The following ZNF780B variants were observed in gnomAD, a reference collection of about 807,000 sequenced individuals.
ZNF780B encodes the protein zinc finger protein 779.
In ZNF780B, 52 loss-of-function variants were observed where a neutral mutation model predicts 74.1. That is an observed-to-expected ratio of 0.70 (90% CI 0.56 to 0.88). The LOEUF (loss-of-function observed/expected upper bound fraction) is 0.88, where lower values mean the gene tolerates loss of function less well. ZNF780B is among the 40% of genes least tolerant of loss of function. The probability of loss-of-function intolerance (pLI) is 0.00; values close to 1 mark genes in which losing one functional copy is unlikely to be tolerated. For synonymous variants in ZNF780B, 315 were observed against 324.3 expected, an observed-to-expected ratio of 0.97 and a Z score of 0.31; for missense variants, 953 against 1,007.6, an observed-to-expected ratio of 0.95 and a Z score of 0.73.
Position 40,047,324 on chromosome 19 carries a change from G to A in ZNF780B, c.232+51C>T, listed in dbSNP as rs540117986. On this transcript the variant is annotated intron_variant, in intron 4 of 4. Transcript: ENST00000434248. ...GGTGTGACTCCTCTCTGAGCACATG[G>A]GCTGTCCGGGACAATGATGGCTTCC... The A allele has an allele frequency of 9.7e-5, 143 of 1,478,494 alleles. 3 individuals carry two copies. In the South Asian group the frequency reaches 1.6e-3, roughly 16 times the overall value. 91.6% of individuals were successfully genotyped at this position (1,478,494 alleles called of 1,614,324 possible).
At chr19:40,056,122 G>T (rs1973489485) in intron 1 of ZNF780B, 67 bp downstream of exon 1, 1 of 152,396 alleles carries the variant, frequency 6.6e-6, no homozygotes, top group African/African-American at 2.4e-5. Context: ...GGTCGGTCAG[G>T]TTCGAGTCCC....
chr19:40,034,278 C>G lies in ZNF780B; in HGVS notation c.*79G>C. On this transcript the variant is annotated 3_prime_UTR_variant, in exon 5 of 5. Transcript: ENST00000434248. ...TCCTTGACATTCATAAGGGTTCTCACGAATATGAAATCTATAATGTCCATG... is the reference window on the plus strand; with the variant it reads ...TCCTTGACATTCATAAGGGTTCTCAGGAATATGAAATCTATAATGTCCATG... 1 of 1,237,934 alleles carries G rather than the reference C, an allele frequency of 8.1e-7. No individual in the cohort carries two copies. Among genetic ancestry groups the G allele is most frequent in the Non-Finnish European group, 1.1e-6 (1 of 882,290 alleles). The allele number at this position is 1,237,934 out of a possible 1,614,324, so 76.7% of individuals were successfully genotyped here. A position where few individuals can be genotyped will look rare whatever the true frequency, so the allele number is the denominator to read the frequency against.
At position 40,031,416 on chromosome 19, in the gene ZNF780B, T is replaced by G. The variant is rs1971996183; in HGVS notation, c.*2941A>C. 1 of 152,238 alleles carries G rather than the reference T, an allele frequency of 6.6e-6. No homozygotes were observed. The highest frequency in any genetic ancestry group is 2.4e-5 in the African/African-American group (1 of 41,450). 9.4% of individuals were successfully genotyped at this position (152,238 alleles called of 1,614,324 possible). On this transcript the variant is annotated 3_prime_UTR_variant, in exon 5 of 5. Transcript: ENST00000434248. ...TTTTTATTTTTAGGAGAGATGGAGT[T>G]TTGCCATGTTGGCCAAGTTGGTCTC...
intron 4 of ZNF780B, among the ~76,000 whole-genome samples, chr19:40,041,656 T>G (rs986538246): frequency 7.2e-5 from 11 of 152,210 alleles, no homozygotes; most frequent in African/African-American, 2.7e-4. Context: ...TTTACCATTA[T>G]GTAATGGCCT....
chr19:40,054,968 G>A (rs1220603474), intron 1 of ZNF780B, among the ~76,000 whole-genome samples: 2 of 152,180 alleles, frequency 1.3e-5, no homozygotes, highest in African/African-American at 4.8e-5. Context: ...GACTCTGGTT[G>A]ATACCAATTT....
At chr19:40,051,416 G>A in intron 1 of ZNF780B, among the ~76,000 whole-genome samples, 1 of 152,000 alleles carries the variant, frequency 6.6e-6, no homozygotes, top group East Asian at 1.9e-4. Flanking sequence ...TTGTTTTTAT[G>A]TAATAAATTT....
At chr19:40,040,317 T>A (rs1199278884) in intron 4 of ZNF780B, among the ~76,000 whole-genome samples, 1 of 152,202 alleles carries the variant, frequency 6.6e-6, no homozygotes, top group South Asian at 2.1e-4. Flanking sequence ...TTTGCCAGTA[T>A]TTTATTGAGG....
intron 1 of ZNF780B, among the ~76,000 whole-genome samples, chr19:40,050,698 G>T (rs986365222): frequency 6.6e-6 from 1 of 152,238 alleles, no homozygotes; most frequent in African/African-American, 2.4e-5. Context: ...ACCAATCTTG[G>T]CCTAGGACTG....
rs752379669 is a variant in ZNF780B at position 40,035,855 on chromosome 19, C to T, written c.1004G>A (p.Cys335Tyr). ...RIHTGEKPFE[C>Y]KECRKAFTLL... is the part of the protein sequence containing the mutation. Reference sequence around the variant, plus strand: ...AGTAAAGGCCTTTCTGCATTCTTTACATTCAAAGGGTTTCTCGCCAGTATG... The same window carrying T: ...AGTAAAGGCCTTTCTGCATTCTTTATATTCAAAGGGTTTCTCGCCAGTATG... Residue 335 changes from cysteine (C) to tyrosine (Y), a missense_variant, in exon 5 of 5, where the codon TGT (cysteine) becomes TAT (tyrosine). Coordinates refer to ENST00000434248, the MANE Select transcript of ZNF780B (RefSeq NM_001005851.3). 2 of 1,613,882 alleles carry T rather than the reference C, an allele frequency of 1.2e-6. No homozygotes were observed. Among genetic ancestry groups the T allele is most frequent in the Admixed American group, 3.3e-5 (2 of 59,976 alleles).
At chr19:40,053,539 T>C (rs1389786591) in intron 1 of ZNF780B, among the ~76,000 whole-genome samples, 1 of 152,148 alleles carries the variant, frequency 6.6e-6, no homozygotes, top group African/African-American at 2.4e-5. Flanking sequence ...CACCATATGA[T>C]CCAGCAATCT....
chr19:40,043,563 T>C (rs1047951005), intron 4 of ZNF780B, among the ~76,000 whole-genome samples: 6 of 152,254 alleles, frequency 3.9e-5, no homozygotes, highest in Admixed American at 2.6e-4. Context: ...TCCACCCAGT[T>C]TGAGCTCCCC....
At position 40,031,293 on chromosome 19, in the gene ZNF780B, C is replaced by T. The variant is rs1599754128; in HGVS notation, c.*3064G>A. The T allele has an allele frequency of 6.6e-6, 1 of 152,362 alleles. No homozygotes were observed. The highest frequency in any genetic ancestry group is 2.4e-5 in the African/African-American group (1 of 41,586). The allele number at this position is 152,362 out of a possible 1,614,324, so 9.4% of individuals were successfully genotyped here. A position where few individuals can be genotyped will look rare whatever the true frequency, so the allele number is the denominator to read the frequency against. On this transcript the variant is annotated 3_prime_UTR_variant, in exon 5 of 5. Coordinates refer to ENST00000434248, the MANE Select transcript of ZNF780B (RefSeq NM_001005851.3). ...CTGGAGTGCAGTGGCACGATCTTGG[C>T]TCACTGCCACCTCCACCTTCCAATT...
At chr19:40,048,839 T>C (rs1042487031) in intron 2 of ZNF780B, 43 bp from the exon 3 acceptor site, 6 of 1,610,532 alleles carry the variant, frequency 3.7e-6, no homozygotes, top group Non-Finnish European at 5.1e-6. Flanking sequence ...TTGAAGAAAG[T>C]TGTTTCAAGA....
intron 4 of ZNF780B, among the ~76,000 whole-genome samples, chr19:40,041,566 C>G (rs1599776909): frequency 6.6e-6 from 1 of 152,108 alleles, no homozygotes; most frequent in South Asian, 2.1e-4. Flanking sequence ...TCACTCAGGA[C>G]TTGCTTTATG....
chr19:40,037,746 A>T (rs1972407509), intron 4 of ZNF780B, among the ~76,000 whole-genome samples: 1 of 152,120 alleles, frequency 6.6e-6, no homozygotes, highest in Admixed American at 6.5e-5. Context: ...TTTGTGGCTG[A>T]TCTCTAACCA....
intron 3 of ZNF780B, among the ~76,000 whole-genome samples, chr19:40,047,702 A>T (rs1162867642): frequency 6.6e-6 from 1 of 152,074 alleles, no homozygotes; most frequent in Non-Finnish European, 1.5e-5. Context: ...TTAGTGGTTA[A>T]CAGCAGGAAA....
chr19:40,034,070 T>C lies in ZNF780B; in HGVS notation c.*287A>G. The C allele has an allele frequency of 2.1e-6, 1 of 477,386 alleles. No homozygotes were observed. The highest frequency in any genetic ancestry group is 3.9e-6 in the Non-Finnish European group (1 of 256,708). 29.6% of individuals were successfully genotyped at this position (477,386 alleles called of 1,614,324 possible). On this transcript the variant is annotated 3_prime_UTR_variant, in exon 5 of 5. Coordinates refer to ENST00000434248, the MANE Select transcript of ZNF780B (RefSeq NM_001005851.3). ...TGTACAGTAAGATCATAATTACTGCTAAAGGCCTTTTCACATTCCTTACAT... is the reference window on the plus strand; with the variant it reads ...TGTACAGTAAGATCATAATTACTGCCAAAGGCCTTTTCACATTCCTTACAT...
rs368909448 is a variant in ZNF780B, at chr19:40,031,272, A to C, written c.*3085T>G. Reference sequence around the variant, plus strand: ...AGTCTCACTTTGTCGCCCAGGCTGGAGTGCAGTGGCACGATCTTGGCTCAC... The same window carrying C: ...AGTCTCACTTTGTCGCCCAGGCTGGCGTGCAGTGGCACGATCTTGGCTCAC... On this transcript the variant is annotated 3_prime_UTR_variant, in exon 5 of 5. Transcript: ENST00000434248. 1.3e-5 allele frequency: 2 copies of C among 152,318 alleles called. No homozygotes were observed. Among genetic ancestry groups the C allele is most frequent in the South Asian group, 4.1e-4 (2 of 4,824 alleles). The allele number at this position is 152,318 out of a possible 1,614,324, so 9.4% of individuals were successfully genotyped here.
chr19:40,043,916 G>A (rs1972798480), intron 4 of ZNF780B, among the ~76,000 whole-genome samples: 1 of 152,194 alleles, frequency 6.6e-6, no homozygotes, highest in African/African-American at 2.4e-5. Context: ...CCACTGTCCT[G>A]CATGCACTGT....
Sources: gnomAD v4.1 joint callset for allele counts (sites outside exome capture counted in the v4.1 genomes callset) on GRCh38, gnomAD v4.1.1 for gene constraint, MANE v1.5 for transcripts, NCBI Gene and HGNC (gene_info 2026-07-23, HGNC 2026-07-21) for gene names.